The following LMX1A variants were observed in gnomAD, a reference collection of about 807,000 sequenced individuals.
LMX1A encodes the protein LIM homeobox transcription factor 1-alpha.
A neutral mutation model predicts 49.1 loss-of-function variants in LMX1A; 15 were observed. The observed-to-expected ratio is 0.31, with a 90% CI of 0.20 to 0.47. The LOEUF (loss-of-function observed/expected upper bound fraction) is 0.47. Ranked by LOEUF, LMX1A falls within the 20% of genes least tolerant of loss-of-function variation. LMX1A has a pLI of 1.00. For missense variants in LMX1A, 372 were observed against 475.8 expected (o/e 0.78, Z 2.03); for synonymous variants, 167 against 185.7 (o/e 0.90, Z 0.82).
intron 4 of LMX1A, among the ~76,000 whole-genome samples, chr1:165,238,123 T>C (rs1261209750): frequency 6.6e-6 from 1 of 152,234 alleles, no homozygotes; most frequent in East Asian, 1.9e-4. Context: ...ATTGTCATCA[T>C]TGCCACTGGA....
intron 3 of LMX1A, among the ~76,000 whole-genome samples, chr1:165,273,295 A>G (rs1190112883): frequency 6.6e-6 from 1 of 152,190 alleles, no homozygotes; most frequent in African/African-American, 2.4e-5. Flanking sequence ...AGTGACTAGC[A>G]TGTGTGGTCT....
At chr1:165,285,523 C>T (rs1025152999) in intron 3 of LMX1A, among the ~76,000 whole-genome samples, 3 of 152,190 alleles carry the variant, frequency 2.0e-5, no homozygotes, top group African/African-American at 7.2e-5. Flanking sequence ...GCAGTAAAGT[C>T]CTCTTGTACA....
At chr1:165,243,512 C>T (rs1279618540) in intron 4 of LMX1A, among the ~76,000 whole-genome samples, 2 of 152,074 alleles carry the variant, frequency 1.3e-5, no homozygotes, top group South Asian at 2.1e-4. Flanking sequence ...TGAAAAAGAT[C>T]GTAGTATTTT....
At chr1:165,290,015 G>A in intron 3 of LMX1A, among the ~76,000 whole-genome samples, 1 of 152,194 alleles carries the variant, frequency 6.6e-6, no homozygotes, top group South Asian at 2.1e-4. Flanking sequence ...GGAAACTGAG[G>A]TAGGTGACAG....
At chr1:165,279,809 G>T (rs1000432182) in intron 3 of LMX1A, among the ~76,000 whole-genome samples, 2 of 152,152 alleles carry the variant, frequency 1.3e-5, no homozygotes, top group African/African-American at 4.8e-5. Context: ...CTGCCCCAAA[G>T]ATTCTCAAGT....
At chr1:165,277,373 A>G (rs1320263404) in intron 3 of LMX1A, among the ~76,000 whole-genome samples, 2 of 152,150 alleles carry the variant, frequency 1.3e-5, no homozygotes, top group Non-Finnish European at 2.9e-5. Flanking sequence ...CTTCCAGAAG[A>G]CATCTCTGCC....
At chr1:165,312,716 G>T (rs1291238706) in intron 3 of LMX1A, among the ~76,000 whole-genome samples, 1 of 152,214 alleles carries the variant, frequency 6.6e-6, no homozygotes, top group East Asian at 1.9e-4. Flanking sequence ...CCCCATGTGT[G>T]AGCCATCCTG....
At chr1:165,268,965 C>T (rs531045507) in intron 3 of LMX1A, among the ~76,000 whole-genome samples, 2 of 152,310 alleles carry the variant, frequency 1.3e-5, no homozygotes, top group Admixed American at 6.5e-5. Context: ...AGGAATAGGA[C>T]AGAGAGAAAT....
chr1:165,342,678 A>T (rs1251376034), intron 3 of LMX1A, among the ~76,000 whole-genome samples: 1 of 152,106 alleles, frequency 6.6e-6, no homozygotes, highest in Admixed American at 6.5e-5. Context: ...GCAATCCCCA[A>T]ATCCTAAAAA....
chr1:165,279,713 A>AAAAATAATTT (rs1409812801), intron 3 of LMX1A, among the ~76,000 whole-genome samples: 22 of 152,354 alleles, frequency 1.4e-4, no homozygotes, highest in South Asian at 2.1e-4. Context: ...CGATAATAAT[A>AAAAATAATTT]AAAATAATTT....
intron 3 of LMX1A, among the ~76,000 whole-genome samples, chr1:165,325,844 A>T (rs1346304839): frequency 6.6e-6 from 1 of 152,162 alleles, no homozygotes; most frequent in Non-Finnish European, 1.5e-5. Flanking sequence ...AAACACAATT[A>T]TCACTACTTT....
At chr1:165,313,471 C>CTTTTTTTTTTTTTTTTTTTTTTTTTTTTT (rs34912339) in intron 3 of LMX1A, among the ~76,000 whole-genome samples, 2 of 114,846 alleles carry the variant, frequency 1.7e-5, no homozygotes, top group Admixed American at 9.4e-5. Context: ...CACCTTCTTC[C>CTTTTTTTTTTTTTTTTTTTTTTTTTTTTT]TTTTTTTTTT....
chr1:165,307,922 G>A (rs1654966904), intron 3 of LMX1A, among the ~76,000 whole-genome samples: 1 of 152,094 alleles, frequency 6.6e-6, no homozygotes, highest in African/African-American at 2.4e-5. Context: ...ACTGTGTGAA[G>A]GCCACCAACC....
At chr1:165,350,537 TA>T (rs916941960) in intron 3 of LMX1A, among the ~76,000 whole-genome samples, 1 of 122,004 alleles carries the variant, frequency 8.2e-6, no homozygotes, top group Non-Finnish European at 1.8e-5. Context: ...GTCCTGAGCC[TA>T]TTTTTTTTTT....
rs1235885521 is a variant in LMX1A, at chr1:165,213,962, C to T, written c.497-149G>A. The T allele has an allele frequency of 5.8e-6, 4 of 687,646 alleles. No homozygotes were observed. In the East Asian group the frequency reaches 8.1e-5, roughly 14 times the overall value. 42.6% of individuals were successfully genotyped at this position (687,646 alleles called of 1,614,324 possible). A position where few individuals can be genotyped will look rare whatever the true frequency, so the allele number is the denominator to read the frequency against. Reference sequence around the variant, plus strand: ...CTATGTGGTATTGCTTTGAAAGCTTCCAGGAAGAGGCTAAGAAAAATACTT... The same window carrying T: ...CTATGTGGTATTGCTTTGAAAGCTTTCAGGAAGAGGCTAAGAAAAATACTT... On this transcript the variant is annotated intron_variant, in intron 4 of 8. Transcript: ENST00000342310.
At chr1:165,247,506 A>C (rs1338522479) in intron 4 of LMX1A, among the ~76,000 whole-genome samples, 1 of 152,196 alleles carries the variant, frequency 6.6e-6, no homozygotes, top group Non-Finnish European at 1.5e-5. Flanking sequence ...TGTTCCTGAC[A>C]AGGAGAAATT....
intron 3 of LMX1A, among the ~76,000 whole-genome samples, chr1:165,261,256 A>G (rs1156928695): frequency 2.0e-5 from 3 of 152,132 alleles, no homozygotes; most frequent in African/African-American, 7.2e-5. Context: ...AAAAATATTT[A>G]TATCCTTCAA....
intron 3 of LMX1A, among the ~76,000 whole-genome samples, chr1:165,289,253 AAAG>A (rs906815630): frequency 1.3e-5 from 2 of 151,936 alleles, no homozygotes; most frequent in Non-Finnish European, 2.9e-5. Context: ...AAAAAAAAAA[AAAG>A]AGAGAGAGAG....
intron 4 of LMX1A, among the ~76,000 whole-genome samples, chr1:165,247,401 A>G (rs1652899940): frequency 6.6e-6 from 1 of 152,128 alleles, no homozygotes; most frequent in Non-Finnish European, 1.5e-5. Context: ...CCTGGAGGAA[A>G]ATGACAGGGT....
Sources: gnomAD v4.1 joint callset for allele counts (sites outside exome capture counted in the v4.1 genomes callset) on GRCh38, gnomAD v4.1.1 for gene constraint, MANE v1.5 for transcripts, NCBI Gene and HGNC (gene_info 2026-07-23, HGNC 2026-07-21) for gene names.